GPC5: variants seen among roughly 807,000 people sequenced by gnomAD.
The protein encoded by GPC5 is glypican 5.
In GPC5, 47 loss-of-function variants were observed where a neutral mutation model predicts 53.9. The observed-to-expected ratio is 0.87, with a 90% CI of 0.69 to 1.11. GPC5 has a LOEUF of 1.11. GPC5 is among the 50% of genes most tolerant of loss of function. The pLI is 0.00. For synonymous variants in GPC5, 286 were observed against 263.3 expected, an observed-to-expected ratio of 1.09 and a Z score of -0.84; for missense variants, 748 against 713.1, an observed-to-expected ratio of 1.05 and a Z score of -0.56.
At chr13:92,695,013 C>G (rs1887517535) in intron 7 of GPC5, among the ~76,000 whole-genome samples, 1 of 152,306 alleles carries the variant, frequency 6.6e-6, no homozygotes, top group Middle Eastern at 3.4e-3. Flanking sequence ...GTCACTCTCT[C>G]TCTCCTGCTT....
chr13:92,819,034 G>A (rs544719567), intron 7 of GPC5, among the ~76,000 whole-genome samples: 10 of 151,978 alleles, frequency 6.6e-5, no homozygotes, highest in East Asian at 1.9e-4. Flanking sequence ...ATAAAACCTC[G>A]TATAGAAAGT....
chr13:91,765,833 CTG>C (rs2037511970), intron 5 of GPC5, among the ~76,000 whole-genome samples: 1 of 152,064 alleles, frequency 6.6e-6, no homozygotes, highest in Admixed American at 6.6e-5. Flanking sequence ...GAGATAATGA[CTG>C]AGAATGCTTT....
intron 7 of GPC5, among the ~76,000 whole-genome samples, chr13:92,347,997 G>A (rs1435561344): frequency 3.5e-5 from 3 of 85,046 alleles, no homozygotes; most frequent in Non-Finnish European, 7.2e-5. Flanking sequence ...AATTGGAAAG[G>A]TCAAAGCATA....
chr13:92,757,528 A>G (rs1164009154), intron 7 of GPC5, among the ~76,000 whole-genome samples: 4 of 152,294 alleles, frequency 2.6e-5, no homozygotes, highest in African/African-American at 9.6e-5. Flanking sequence ...AGAAACTACC[A>G]TCAGAGTGAA....
intron 7 of GPC5, among the ~76,000 whole-genome samples, chr13:92,226,372 A>G (rs2042486334): frequency 6.6e-6 from 1 of 152,176 alleles, no homozygotes; most frequent in African/African-American, 2.4e-5. Context: ...TCCTTTCTCC[A>G]TGTTAACATT....
chr13:91,438,870 CT>C (rs1278451008), intron 1 of GPC5, among the ~76,000 whole-genome samples: 8 of 152,306 alleles, frequency 5.3e-5, no homozygotes, highest in African/African-American at 1.9e-4. Flanking sequence ...GCGGGCGCCC[CT>C]CCCCCAGCCT....
At chr13:92,754,858 T>TA (rs1874786736) in intron 7 of GPC5, among the ~76,000 whole-genome samples, 8 of 144,792 alleles carry the variant, frequency 5.5e-5, no homozygotes, top group Admixed American at 3.6e-4. Flanking sequence ...CAAAGAGACT[T>TA]AGACTCCCAC....
chr13:92,560,044 CTT>C (rs1046564447), intron 7 of GPC5, among the ~76,000 whole-genome samples: 2 of 151,560 alleles, frequency 1.3e-5, no homozygotes, highest in Non-Finnish European at 2.9e-5. Context: ...GATTCCTGGC[CTT>C]TTTGTTTGTT....
intron 7 of GPC5, among the ~76,000 whole-genome samples, chr13:92,381,646 C>T (rs1188932602): frequency 6.6e-6 from 1 of 150,690 alleles, no homozygotes; most frequent in East Asian, 1.9e-4. Context: ...AATCCCACTA[C>T]TGGGTATCTA....
At chr13:92,581,792 A>C (rs1883381273) in intron 7 of GPC5, among the ~76,000 whole-genome samples, 1 of 152,116 alleles carries the variant, frequency 6.6e-6, no homozygotes, top group Admixed American at 6.6e-5. Flanking sequence ...GTATGGTTGT[A>C]ATTTGCATTT....
chr13:91,909,742 G>C (rs1431042169), intron 6 of GPC5, among the ~76,000 whole-genome samples: 2 of 151,998 alleles, frequency 1.3e-5, no homozygotes, highest in Non-Finnish European at 2.9e-5. Context: ...TTACAGAGAA[G>C]AACACATAGA....
chr13:92,434,266 A>G (rs1877211270), intron 7 of GPC5, among the ~76,000 whole-genome samples: 1 of 152,206 alleles, frequency 6.6e-6, no homozygotes, highest in Non-Finnish European at 1.5e-5. Flanking sequence ...AATTTAGAGA[A>G]CCATAACAAC....
rs1244826471 is a variant in GPC5 at position 91,398,659 on chromosome 13, A to AGGCGGCGGCGGCGGCGGCGGC, written c.-370_-369insGGCGGCGGCGGCGGCGGCGGC. 1 of 100,136 alleles carries AGGCGGCGGCGGCGGCGGCGGC rather than the reference A, an allele frequency of 1.0e-5. No individual in the cohort carries two copies. The highest frequency in any genetic ancestry group is 3.2e-5 in the African/African-American group (1 of 31,290). The allele number at this position is 100,136 out of a possible 1,614,324, so 6.2% of individuals were successfully genotyped here. A position where few individuals can be genotyped will look rare whatever the true frequency, so the allele number is the denominator to read the frequency against. On this transcript the variant is annotated 5_prime_UTR_variant, in exon 1 of 8. Coordinates refer to ENST00000377067, the MANE Select transcript of GPC5 (RefSeq NM_004466.6). ...TGCTGCGAGCCGAGCCGGGCGGCGG[A>AGGCGGCGGCGGCGGCGGCGGC]GGCGGCGGCGGCGGCGGCAGTGGCG...
intron 7 of GPC5, among the ~76,000 whole-genome samples, chr13:92,488,534 A>T (rs1879644427): frequency 6.6e-6 from 1 of 152,186 alleles, no homozygotes; most frequent in African/African-American, 2.4e-5. Flanking sequence ...TGGCATTTTT[A>T]ATCTATCCAA....
intron 7 of GPC5, among the ~76,000 whole-genome samples, chr13:92,506,518 T>A (rs1880375276): frequency 1.3e-5 from 2 of 152,186 alleles, no homozygotes; most frequent in South Asian, 4.1e-4. Context: ...ATAAAGCATG[T>A]TCCTCATATA....
At chr13:91,887,965 G>A (rs374510730) in intron 5 of GPC5, among the ~76,000 whole-genome samples, 9 of 152,072 alleles carry the variant, frequency 5.9e-5, no homozygotes, top group African/African-American at 7.2e-5. Context: ...TTTCAAAGTC[G>A]CTGCCACATT....
At chr13:92,142,038 G>T (rs991727861) in intron 6 of GPC5, among the ~76,000 whole-genome samples, 5 of 152,130 alleles carry the variant, frequency 3.3e-5, no homozygotes, top group Non-Finnish European at 1.5e-5. Flanking sequence ...TCTGGTGATA[G>T]TCAGAGGAAA....
chr13:92,499,586 T>C (rs552680377), intron 7 of GPC5, among the ~76,000 whole-genome samples: 1 of 152,250 alleles, frequency 6.6e-6, no homozygotes, highest in East Asian at 1.9e-4. Context: ...ACCTGAAAAG[T>C]GCATTAATTA....
chr13:91,798,262 T>C (rs1364794427), intron 5 of GPC5, among the ~76,000 whole-genome samples: 1 of 152,196 alleles, frequency 6.6e-6, no homozygotes, highest in Admixed American at 6.5e-5. Flanking sequence ...CCATGGTGGT[T>C]TGCAGAACAC....
Sources: gnomAD v4.1 joint callset for allele counts (sites outside exome capture counted in the v4.1 genomes callset) on GRCh38, gnomAD v4.1.1 for gene constraint, MANE v1.5 for transcripts, NCBI Gene and HGNC (gene_info 2026-07-23, HGNC 2026-07-21) for gene names.